SYN3: variants seen among roughly 807,000 people sequenced by gnomAD.
SYN3 encodes the protein synapsin-3.
Under a neutral mutation model 65.8 loss-of-function variants are expected in SYN3, and 35 were observed. The observed-to-expected ratio is 0.53, with a 90% confidence interval of 0.41 to 0.70. The LOEUF is 0.70. Among genes scored for constraint, SYN3 ranks in the 30% least tolerant of loss-of-function variants. SYN3 has a pLI of 0.00. For synonymous variants in SYN3, 270 were observed against 292.9 expected (o/e 0.92, Z 0.80); for missense variants, 680 against 749.0 (o/e 0.91, Z 1.08).
intron 6 of SYN3, among the ~76,000 whole-genome samples, chr22:32,751,407 G>T (rs1028097406): frequency 2.0e-5 from 3 of 152,180 alleles, no homozygotes; most frequent in African/African-American, 7.2e-5. Flanking sequence ...AGAGGGGTGG[G>T]GTAGGGAAAC....
intron 6 of SYN3, among the ~76,000 whole-genome samples, chr22:32,691,112 C>G (rs947436548): frequency 6.6e-6 from 1 of 152,148 alleles, no homozygotes; most frequent in African/African-American, 2.4e-5. Context: ...TCCTACAGAA[C>G]GTCACTCCTC....
chr22:32,631,976 C>G (rs987738085), intron 6 of SYN3, among the ~76,000 whole-genome samples: 1 of 152,254 alleles, frequency 6.6e-6, no homozygotes, highest in African/African-American at 2.4e-5. Flanking sequence ...GATTGACTTC[C>G]TATAAAAACA....
Position 32,801,782 on chromosome 22 carries a change from G to C in SYN3, c.711+63133C>G, listed in dbSNP as rs1479831392. ...TTGCTCCTCCAGCTCCTGCTCCTTC[G>C]CCGGGAGGCCGCCCGCCGAGTCCTG... On this transcript the variant is annotated intron_variant, in intron 6 of 13. Coordinates refer to ENST00000358763, the MANE Select transcript of SYN3 (RefSeq NM_003490.4). This position sits in a 1 kb window ranked among gnomAD's most constrained non-coding sequence, Gnocchi z 4.7. The C allele has an allele frequency of 2.9e-6, 1 of 342,102 alleles. No individual in the cohort carries two copies. The highest frequency in any genetic ancestry group is 2.2e-5 in the African/African-American group (1 of 45,660). 21.2% of individuals were successfully genotyped at this position (342,102 alleles called of 1,614,324 possible).
chr22:32,738,394 G>A (rs755511994), intron 6 of SYN3, among the ~76,000 whole-genome samples: 4 of 152,286 alleles, frequency 2.6e-5, no homozygotes, highest in East Asian at 1.9e-4. Flanking sequence ...GAAACACAGC[G>A]TTCAAAGAGG....
rs572564983 is a variant in SYN3, at chr22:32,782,842, T to C, written c.711+82073A>G. On this transcript the variant is annotated intron_variant, in intron 6 of 13. Transcript: ENST00000358763. ...CAGGCCTTGTAATTGTAGCAGAGGA[T>C]TTGGCTTCCCTCAGCCTATGGATCT... Among the ~76,000 whole-genome samples, 4 of 152,298 alleles carry C rather than the reference T, an allele frequency of 2.6e-5. No homozygotes were observed. In the South Asian group the frequency reaches 8.3e-4, roughly 32 times the overall value.
chr22:32,676,072 T>TATGGA lies in SYN3; in HGVS notation c.712-79337_712-79336insTCCAT, dbSNP rs2060436816. The stretch of plus-strand genomic sequence containing the variant: ...CAGGATGAACTCTGAGGATGAAGAC[T>TATGGA]ACCTGAAAGGTATCTCAGATGATAC... On this transcript the variant is annotated intron_variant, in intron 6 of 13. Transcript: ENST00000358763. 1.5e-3 allele frequency among the ~76,000 whole-genome samples: 230 copies of TATGGA among 152,064 alleles called. 2 individuals carry two copies. The highest frequency in any genetic ancestry group is 6.8e-3 in the Middle Eastern group (2 of 292).
chr22:32,966,307 A>T (rs566875314), intron 3 of SYN3, among the ~76,000 whole-genome samples: 3 of 152,152 alleles, frequency 2.0e-5, no homozygotes, highest in African/African-American at 7.2e-5. Flanking sequence ...CTAAGAAAGG[A>T]TGTCCCAGGA....
At chr22:32,991,724 G>T (rs923972435) in intron 2 of SYN3, among the ~76,000 whole-genome samples, 2 of 152,006 alleles carry the variant, frequency 1.3e-5, no homozygotes, top group African/African-American at 2.4e-5. Flanking sequence ...CCCTAATTTC[G>T]CTAAGCCTAT....
intron 1 of SYN3, among the ~76,000 whole-genome samples, chr22:33,044,715 G>A (rs1289587639): frequency 6.6e-6 from 1 of 151,704 alleles, no homozygotes; most frequent in Non-Finnish European, 1.5e-5. Context: ...TCCCCCTAGG[G>A]TTTCTCATAG....
chr22:32,659,083 A>G (rs2060181637), intron 6 of SYN3, among the ~76,000 whole-genome samples: 1 of 152,202 alleles, frequency 6.6e-6, no homozygotes, highest in South Asian at 2.1e-4. Context: ...GCAAGTGGTG[A>G]AGCCAGGACT....
intron 6 of SYN3, among the ~76,000 whole-genome samples, chr22:32,863,505 C>T (rs980197614): frequency 1.3e-5 from 2 of 152,132 alleles, no homozygotes; most frequent in Non-Finnish European, 1.5e-5. Context: ...TGAGGTCTCA[C>T]GACAGCTGGT....
At position 32,509,718 on chromosome 22, in the gene SYN3, G is replaced by A. The variant is rs551404095; in HGVS notation, c.*3974C>T. 0.13 allele frequency among the ~76,000 whole-genome samples: 20,180 copies of A among 151,798 alleles called. 4,283 individuals carry two copies. Among genetic ancestry groups the A allele is most frequent in the African/African-American group, 0.45 (18,474 of 41,282 alleles). On this transcript the variant is annotated 3_prime_UTR_variant, in exon 14 of 14. Coordinates refer to ENST00000358763, the MANE Select transcript of SYN3 (RefSeq NM_003490.4). ...CTAGTAGCTGGGACTACAGGCGCCC[G>A]CTACCACGCCCGGCTAATTTTTTAT...
intron 6 of SYN3, among the ~76,000 whole-genome samples, chr22:32,625,905 T>C (rs1027570219): frequency 6.6e-6 from 1 of 152,158 alleles, no homozygotes; most frequent in Non-Finnish European, 1.5e-5. Flanking sequence ...CAGATAAAGA[T>C]ATCGATAACC....
intron 6 of SYN3, among the ~76,000 whole-genome samples, chr22:32,631,570 A>G (rs913637360): frequency 2.6e-5 from 4 of 152,230 alleles, no homozygotes; most frequent in African/African-American, 9.6e-5. Flanking sequence ...ACCACCTGAT[A>G]CAACTCTGGG....
At chr22:32,687,218 A>C (rs1239326227) in intron 6 of SYN3, among the ~76,000 whole-genome samples, 1 of 151,572 alleles carries the variant, frequency 6.6e-6, no homozygotes. Context: ...GGTGGAGTGC[A>C]ATGGTGCAAT....
intron 6 of SYN3, among the ~76,000 whole-genome samples, chr22:32,753,169 C>G (rs184418296): frequency 6.6e-6 from 1 of 152,232 alleles, no homozygotes; most frequent in Admixed American, 6.5e-5. Flanking sequence ...CCTTTCCCCC[C>G]AGAAAACCAA....
chr22:32,597,182 T>C (rs777084391), intron 6 of SYN3, among the ~76,000 whole-genome samples: 1 of 148,778 alleles, frequency 6.7e-6, no homozygotes, highest in African/African-American at 2.4e-5. Flanking sequence ...ATTCCTGGCA[T>C]ACTCCTGTCT....
intron 1 of SYN3, among the ~76,000 whole-genome samples, chr22:33,014,790 A>G (rs2145838124): frequency 6.6e-6 from 1 of 152,248 alleles, no homozygotes; most frequent in Admixed American, 6.5e-5. Flanking sequence ...CAAAAAAGCC[A>G]GCTTCGCAGT....
intron 7 of SYN3, among the ~76,000 whole-genome samples, chr22:32,547,087 T>A (rs1284625885): frequency 6.6e-6 from 1 of 152,146 alleles, no homozygotes; most frequent in Non-Finnish European, 1.5e-5. Context: ...CAAGCAATCC[T>A]CCACCTTAGC....
Sources: allele counts gnomAD v4.1 joint callset (sites outside exome capture counted in the v4.1 genomes callset), GRCh38; gene constraint gnomAD v4.1.1; non-coding constraint Gnocchi (gnomAD v3.1); transcripts MANE v1.5; gene names NCBI Gene and HGNC (gene_info 2026-07-23, HGNC 2026-07-21).